Variants in TMEM79 observed in about 807,000 individuals in gnomAD.
TMEM79 encodes the protein transmembrane protein 79.
TMEM79 carries 30 observed loss-of-function variants against 31.2 expected under a neutral mutation model. The ratio of observed to expected loss-of-function variants is 0.96; its 90% confidence interval spans 0.72 to 1.30. The LOEUF (loss-of-function observed/expected upper bound fraction) is 1.30. Among genes scored for constraint, TMEM79 ranks in the 50% most tolerant of loss-of-function variants. The pLI is 0.00. For missense variants in TMEM79, 509 were observed against 528.2 expected, an observed-to-expected ratio of 0.96 and a Z score of 0.36; for synonymous variants, 213 against 229.5, an observed-to-expected ratio of 0.93 and a Z score of 0.65.
chr1:156,291,301 T>C, intron 3 of TMEM79, 84 bp from the exon 4 acceptor site: 1 of 1,296,608 alleles, frequency 7.7e-7, no homozygotes, highest in Non-Finnish European at 1.1e-6. Context: ...GCCTCCCCTA[T>C]CTACTCCCCC....
rs1026273664 is a variant in TMEM79, at chr1:156,285,983, G to C, written c.757G>C (p.Gly253Arg). 29 of 1,598,510 alleles carry C rather than the reference G, an allele frequency of 1.8e-5. No individual in the cohort carries two copies. Among genetic ancestry groups the C allele is most frequent in the Non-Finnish European group, 2.3e-5 (27 of 1,172,138 alleles). ...GVFATFPIVL[G>R]ILVYGLSLLC... is the part of the protein sequence containing the mutation. ...CTTTGCCACCTTCCCCATTGTGCTG[G>C]GTGAGCCTGTGAGAAGAAAGGGGGC... is the stretch of plus-strand genomic sequence containing the variant. Residue 253 changes from glycine to arginine, a missense_variant and splice_region_variant, in exon 2 of 4, where the codon GGG becomes CGG. By Grantham distance (125) the Gly-to-Arg change is moderately radical (BLOSUM62 -2). Coordinates refer to ENST00000405535, the MANE Select transcript of TMEM79 (RefSeq NM_032323.3).
rs191198672 is a variant in TMEM79, at chr1:156,291,093, G to C, written c.972-292G>C. On this transcript the variant is annotated intron_variant, in intron 3 of 3. Coordinates refer to ENST00000405535, the MANE Select transcript of TMEM79 (RefSeq NM_032323.3). Reference sequence around the variant, plus strand: ...AGTTTGAGCCCAGACTGGCAACATAGCAAGACCATGTCTCTAAAAAAATAA... The same window carrying C: ...AGTTTGAGCCCAGACTGGCAACATACCAAGACCATGTCTCTAAAAAAATAA... 1.3e-5 allele frequency: 5 copies of C among 383,854 alleles called. No homozygotes were observed. In the East Asian group the frequency reaches 2.4e-4, roughly 19 times the overall value. The allele number at this position is 383,854 out of a possible 1,614,324, so 23.8% of individuals were successfully genotyped here.
intron 2 of TMEM79, 118 bp from the exon 3 acceptor site, chr1:156,286,142 C>G: frequency 7.3e-7 from 1 of 1,363,564 alleles, no homozygotes; most frequent in Non-Finnish European, 1.0e-6. Context: ...CCAGGACCAC[C>G]TCCACCCCAC....
chr1:156,284,594 A>G (rs1663095308), intron 1 of TMEM79, among the ~76,000 whole-genome samples, 188 bp downstream of exon 1: 1 of 152,116 alleles, frequency 6.6e-6, no homozygotes, highest in Non-Finnish European at 1.5e-5. Flanking sequence ...CCCTGCAGAG[A>G]TGGATGAGGT....
intron 3 of TMEM79, 71 bp downstream of exon 3, chr1:156,286,544 G>C: frequency 6.6e-7 from 1 of 1,507,450 alleles, no homozygotes; most frequent in Non-Finnish European, 9.2e-7. Flanking sequence ...TGAATGTCTG[G>C]AGAGCCAGGG....
Position 156,285,718 on chromosome 1 carries a change from C to T in TMEM79, c.492C>T (p.Val164=). The T allele has an allele frequency of 1.2e-6, 2 of 1,613,228 alleles. No individual in the cohort carries two copies. The highest frequency in any genetic ancestry group is 1.7e-6 in the Non-Finnish European group (2 of 1,180,026). ...GECRTFMPPR[V]THPDPTERKW... is the part of the protein sequence containing the mutation. ...GCCGAACCTTCATGCCCCCCCGGGTCACCCACCCCGACCCCACTGAGCGCA... is the reference window on the plus strand; with the variant it reads ...GCCGAACCTTCATGCCCCCCCGGGTTACCCACCCCGACCCCACTGAGCGCA... The change falls in exon 2 of 4, where the codon GTC becomes GTT. Residue 164 remains valine, a synonymous_variant. Transcript: ENST00000405535.
In TMEM79 at chr1:156,291,419, T is replaced by A. The variant is rs745586406; in HGVS notation, c.1006T>A (p.Ser336Thr). The change falls in exon 4 of 4, where the codon TCC becomes ACC. Residue 336 changes from serine to threonine, a missense_variant. By Grantham distance (58) the Ser-to-Thr change is moderately conservative (BLOSUM62 1). Transcript: ENST00000405535. ...IYWLTFAVGRSFRGFGYGLTF... is the reference protein window; with the variant it reads ...IYWLTFAVGRTFRGFGYGLTF... Reference sequence around the variant, plus strand: ...CTGGCTGACCTTTGCCGTGGGCCGCTCCTTCCGAGGCTTCGGCTACGGCCT... The same window carrying A: ...CTGGCTGACCTTTGCCGTGGGCCGCACCTTCCGAGGCTTCGGCTACGGCCT... 9.3e-6 allele frequency: 15 copies of A among 1,613,832 alleles called. No homozygotes were observed. In the East Asian group the frequency reaches 3.3e-4, roughly 36 times the overall value.
rs1558253478 is a variant in TMEM79, at chr1:156,291,367, C to G, written c.972-18C>G. The stretch of plus-strand genomic sequence containing the variant: ...CGCTTCCCTCGAGAGTAGCCTGACC[C>G]TTTTCTTGCCCCCATAGGCTGATCT... On this transcript the variant is annotated intron_variant, in intron 3 of 3. Transcript: ENST00000405535. The G allele has an allele frequency of 1.6e-5, 25 of 1,612,804 alleles. No individual in the cohort carries two copies. The highest frequency in any genetic ancestry group is 2.1e-5 in the Non-Finnish European group (25 of 1,178,928).
In TMEM79 at chr1:156,291,654, T is replaced by G. The variant is rs762050402; in HGVS notation, c.*56T>G. 2 of 1,549,832 alleles carry G rather than the reference T, an allele frequency of 1.3e-6. No individual in the cohort carries two copies. Among genetic ancestry groups the G allele is most frequent in the Non-Finnish European group, 1.8e-6 (2 of 1,124,622 alleles). ...GTAGCGGCTTGGGTCTGACACATCTTTGAACCTTGTGGCCAGGCCTGGACT... is the reference window on the plus strand; with the variant it reads ...GTAGCGGCTTGGGTCTGACACATCTGTGAACCTTGTGGCCAGGCCTGGACT... On this transcript the variant is annotated 3_prime_UTR_variant, in exon 4 of 4. Coordinates refer to ENST00000405535, the MANE Select transcript of TMEM79 (RefSeq NM_032323.3).
rs745373428 is a variant in TMEM79 at position 156,286,459 on chromosome 1, CTT to C, written c.959_960del (p.Phe320CysfsTer95). 15 of 1,614,186 alleles carry C rather than the reference CTT, an allele frequency of 9.3e-6. No homozygotes were observed. The highest frequency in any genetic ancestry group is 1.2e-5 in the Non-Finnish European group (14 of 1,180,028). ...AACTGCTCCCTCTGCTCACTGGTCTCTTTGCCGTCTCCCGGTAAGTTGGGGCA... is the reference window on the plus strand; with the variant it reads ...AACTGCTCCCTCTGCTCACTGGTCTCTGCCGTCTCCCGGTAAGTTGGGGCA... ...LKLLPLLTGL[F>X]AVSRLIYWLT... On this transcript the variant is annotated frameshift_variant, in exon 3 of 4. Coordinates refer to ENST00000405535, the MANE Select transcript of TMEM79 (RefSeq NM_032323.3). LOFTEE classifies it high-confidence loss of function.
Position 156,285,686 on chromosome 1 carries a change from G to A in TMEM79, c.460G>A (p.Gly154Ser), listed in dbSNP as rs775224493. 4 of 1,613,612 alleles carry A rather than the reference G, an allele frequency of 2.5e-6. No individual in the cohort carries two copies. Among genetic ancestry groups the A allele is most frequent in the South Asian group, 2.2e-5 (2 of 91,088 alleles). ...TATCGTGCGCTGTGAGGCAGGCGAG[G>A]GCGAGTGCCGAACCTTCATGCCCCC... ...DLIVRCEAGE[G>S]ECRTFMPPRV... The change falls in exon 2 of 4, where the codon GGC becomes AGC. Residue 154 changes from glycine to serine, a missense_variant. By Grantham distance (56) the Gly-to-Ser change is moderately conservative (BLOSUM62 0). Coordinates refer to ENST00000405535, the MANE Select transcript of TMEM79 (RefSeq NM_032323.3).
chr1:156,283,378 T>C (rs555568416), upstream of TMEM79, among the ~76,000 whole-genome samples: 4 of 152,218 alleles, frequency 2.6e-5, no homozygotes, highest in Non-Finnish European at 4.4e-5. Context: ...GTAACATTTA[T>C]TGAACTGCCA....
At chr1:156,291,178 T>C in intron 3 of TMEM79, 1 of 571,436 alleles carries the variant, frequency 1.7e-6, no homozygotes, top group Non-Finnish European at 3.1e-6. Flanking sequence ...TTCATAAAGA[T>C]GTGGGGAAGT....
chr1:156,286,468 C>A lies in TMEM79; in HGVS notation c.966C>A (p.Val322=). ...LLPLLTGLFA[V]SRLIYWLTFA... ...CTCTGCTCACTGGTCTCTTTGCCGT[C>A]TCCCGGTAAGTTGGGGCAGAGGGTG... Residue 322 remains valine, a synonymous_variant, in exon 3 of 4, where the codon GTC becomes GTA. Transcript: ENST00000405535. The A allele has an allele frequency of 1.2e-6, 2 of 1,614,162 alleles. No homozygotes were observed. Among genetic ancestry groups the A allele is most frequent in the South Asian group, 1.1e-5 (1 of 91,082 alleles).
chr1:156,291,311 C>A, intron 3 of TMEM79, 74 bp from the exon 4 acceptor site: 1 of 1,409,410 alleles, frequency 7.1e-7, no homozygotes. Context: ...TCTACTCCCC[C>A]CACCGTCAGC....
intron 3 of TMEM79, among the ~76,000 whole-genome samples, chr1:156,287,606 CTTTTT>C (rs745468403): frequency 1.4e-5 from 1 of 72,640 alleles, no homozygotes; most frequent in Admixed American, 2.1e-4. Flanking sequence ...TTACTCTCCA[CTTTTT>C]TTTTTTTTTT....
In TMEM79 at chr1:156,291,832, A is replaced by G; in HGVS notation, c.*234A>G. The G allele has an allele frequency of 1.7e-6, 1 of 598,224 alleles. No homozygotes were observed. The allele number at this position is 598,224 out of a possible 1,614,324, so 37.1% of individuals were successfully genotyped here. On this transcript the variant is annotated 3_prime_UTR_variant, in exon 4 of 4. Transcript: ENST00000405535. ...ATGGACTTAGTTTTCTTGCAGGGAA[A>G]AAGGTGGACAGCCGTGTTTCTTAAG...
intron 3 of TMEM79, 36 bp downstream of exon 3, chr1:156,286,509 G>T (rs1264317525): frequency 6.2e-7 from 1 of 1,602,072 alleles, no homozygotes; most frequent in East Asian, 2.2e-5. Flanking sequence ...TGGGAGAGGG[G>T]ATGGTGCTAG....
chr1:156,289,197 A>G (rs1490227477), intron 3 of TMEM79, among the ~76,000 whole-genome samples: 1 of 152,244 alleles, frequency 6.6e-6, no homozygotes, highest in Non-Finnish European at 1.5e-5. Context: ...ACTTGGTGCC[A>G]GGCGTGGTGG....
Sources: gnomAD v4.1 joint callset for allele counts (sites outside exome capture counted in the v4.1 genomes callset) on GRCh38, gnomAD v4.1.1 for gene constraint, MANE v1.5 for transcripts, NCBI Gene and HGNC (gene_info 2026-07-23, HGNC 2026-07-21) for gene names.